The following DMD variants were observed in gnomAD, a reference collection of about 807,000 sequenced individuals.
DMD encodes the protein mutant dystrophin.
A neutral mutation model predicts 330.1 loss-of-function variants in DMD; 63 were observed. The observed-to-expected ratio is 0.19, with a 90% CI of 0.16 to 0.24. The LOEUF is 0.24. DMD is among the 10% of genes least tolerant of loss of function. DMD has a pLI of 1.00. For missense variants in DMD, 3,344 were observed against 2,684.1 expected, an observed-to-expected ratio of 1.25 and a Z score of -5.43; for synonymous variants, 1,223 against 959.8, an observed-to-expected ratio of 1.27 and a Z score of -5.07.
At chrX:31,631,331 T>C (rs1190835584) in intron 54 of DMD, among the ~76,000 whole-genome samples, 1 of 110,924 alleles carries the variant, frequency 9.0e-6, no homozygotes, top group East Asian at 2.8e-4. Flanking sequence ...TGGCTGACAG[T>C]CCTCAGCTGT....
chrX:32,829,289 C>T (rs1433005415), intron 4 of DMD, among the ~76,000 whole-genome samples: 1 of 111,518 alleles, frequency 9.0e-6, no homozygotes, highest in Admixed American at 9.5e-5. Flanking sequence ...AACAGTACAC[C>T]TTTAATAACC....
intron 44 of DMD, among the ~76,000 whole-genome samples, chrX:31,996,312 G>A (rs2095585888): frequency 9.0e-6 from 1 of 111,630 alleles, no homozygotes; most frequent in Admixed American, 9.5e-5. Context: ...AGGATACATC[G>A]ACAGGGAAAA....
chrX:31,412,965 G>A (rs1175626238), intron 60 of DMD, among the ~76,000 whole-genome samples: 2 of 111,589 alleles, frequency 1.8e-5, no homozygotes, highest in African/African-American at 6.5e-5. Context: ...GCATGAAGAA[G>A]CTGTCCTGTA....
intron 2 of DMD, among the ~76,000 whole-genome samples, chrX:32,993,412 T>C (rs1040264989): frequency 3.6e-5 from 4 of 110,164 alleles, no homozygotes; most frequent in Non-Finnish European, 7.6e-5. Flanking sequence ...AAGACCAGCC[T>C]GGGCAACACG....
intron 44 of DMD, among the ~76,000 whole-genome samples, chrX:32,139,815 A>C (rs915265537): frequency 1.2e-4 from 14 of 112,646 alleles, no homozygotes; most frequent in Non-Finnish European, 2.4e-4. Context: ...AAACATTCTT[A>C]AAACTTTATA....
intron 21 of DMD, among the ~76,000 whole-genome samples, chrX:32,480,902 A>G (rs1403382964): frequency 9.0e-6 from 1 of 111,109 alleles, no homozygotes; most frequent in Non-Finnish European, 1.9e-5. Context: ...GTGAAGGAGC[A>G]ATGCAACAGA....
At chrX:31,221,639 C>G (rs1022071711) in intron 64 of DMD, among the ~76,000 whole-genome samples, 10 of 113,115 alleles carry the variant, frequency 8.8e-5, no homozygotes, top group Non-Finnish European at 1.9e-4. Flanking sequence ...GACAAGATCA[C>G]TTTATTTTTT....
chrX:32,883,841 A>AGAAAAG (rs748690006), intron 2 of DMD, among the ~76,000 whole-genome samples: 36 of 101,152 alleles, frequency 3.6e-4, no homozygotes, highest in African/African-American at 1.4e-3. Context: ...AAAAAAAAAA[A>AGAAAAG]AAAAAAAAAA....
chrX:32,253,218 A>C (rs992050019), intron 43 of DMD, among the ~76,000 whole-genome samples: 1 of 109,464 alleles, frequency 9.1e-6, no homozygotes, highest in Non-Finnish European at 1.9e-5. Context: ...AAATGAAAAA[A>C]TTGAGGCGGC....
chrX:31,864,875 C>G (rs1201521060), intron 48 of DMD, among the ~76,000 whole-genome samples: 2 of 111,829 alleles, frequency 1.8e-5, no homozygotes, highest in African/African-American at 6.5e-5. Context: ...TTTTCTACGC[C>G]TTAGGAAATG....
At position 31,369,765 on chromosome X, in the gene DMD, A is replaced by G. The variant is rs561751600; in HGVS notation, c.9085-21131T>C. ...CCTTACTTCAATAATCAAGCCAGCC[A>G]TTTCAAATAATTATGCTAGAGCAAT... is the stretch of plus-strand genomic sequence containing the variant. On this transcript the variant is annotated intron_variant, in intron 60 of 78. Coordinates refer to ENST00000357033, the MANE Select transcript of DMD (RefSeq NM_004006.3). Among the ~76,000 whole-genome samples, 54 of 111,794 alleles carry G rather than the reference A, an allele frequency of 4.8e-4. 1 individual carries two copies. In the South Asian group the frequency reaches 0.02, roughly 41 times the overall value.
chrX:31,262,116 C>T (rs1335247771), intron 62 of DMD, among the ~76,000 whole-genome samples: 8 of 112,375 alleles, frequency 7.1e-5, no homozygotes, highest in African/African-American at 2.6e-4. Flanking sequence ...GCCCTACTGG[C>T]GGTGAAATTT....
At chrX:31,782,783 GA>G (rs1262421151) in intron 50 of DMD, among the ~76,000 whole-genome samples, 1 of 111,397 alleles carries the variant, frequency 9.0e-6, no homozygotes, top group Non-Finnish European at 1.9e-5. Flanking sequence ...AACACAGCTG[GA>G]AAAGACGGAG....
rs191716054 is a variant in DMD, at chrX:32,377,404, T to A, written c.4845+3106A>T. Among the ~76,000 whole-genome samples the A allele has an allele frequency of 3.2e-3, 353 of 111,643 alleles. 2 individuals carry two copies. Among genetic ancestry groups the A allele is most frequent in the African/African-American group, 0.011 (338 of 30,814 alleles). Reference sequence around the variant, plus strand: ...CCTAGAGAAGTCAACATATTTTGAGTTGTCGATGGTGAGTTTTCTTTCTTC... The same window carrying A: ...CCTAGAGAAGTCAACATATTTTGAGATGTCGATGGTGAGTTTTCTTTCTTC... On this transcript the variant is annotated intron_variant, in intron 34 of 78. Transcript: ENST00000357033.
chrX:32,292,299 A>ATTATTTTTTTTTTT (rs1355530949), intron 42 of DMD, among the ~76,000 whole-genome samples: 1 of 30,869 alleles, frequency 3.2e-5, no homozygotes, highest in East Asian at 1.7e-3. Context: ...CAAAGGGAAT[A>ATTATTTTTTTTTTT]TTCTTTTTTT....
At chrX:31,212,929 GC>G (rs2044905892) in intron 64 of DMD, among the ~76,000 whole-genome samples, 1 of 112,407 alleles carries the variant, frequency 8.9e-6, no homozygotes, top group South Asian at 3.7e-4. Flanking sequence ...GTCTCATGGT[GC>G]CCATATAACC....
intron 1 of DMD, among the ~76,000 whole-genome samples, chrX:33,226,213 T>C (rs1355634269): frequency 4.5e-5 from 5 of 111,323 alleles, no homozygotes; most frequent in Non-Finnish European, 9.5e-5. Context: ...GAAATTTCAT[T>C]CCATGGCATT....
intron 13 of DMD, among the ~76,000 whole-genome samples, chrX:32,595,118 G>C (rs775995401): frequency 8.9e-6 from 1 of 111,772 alleles, no homozygotes; most frequent in African/African-American, 3.2e-5. Flanking sequence ...CATTAAAGGG[G>C]TATGCAATCA....
At chrX:31,836,333 T>C (rs1387091328) in intron 49 of DMD, among the ~76,000 whole-genome samples, 1 of 112,282 alleles carries the variant, frequency 8.9e-6, no homozygotes, top group African/African-American at 3.2e-5. Flanking sequence ...TCTTTACAGC[T>C]GTTGGAGACA....
Sources: allele counts gnomAD v4.1 joint callset (sites outside exome capture counted in the v4.1 genomes callset), GRCh38; gene constraint gnomAD v4.1.1; transcripts MANE v1.5; gene names NCBI Gene and HGNC (gene_info 2026-07-23, HGNC 2026-07-21).